LPGAT1: variants seen among roughly 807,000 people sequenced by gnomAD.
LPGAT1 encodes the protein lysophosphatidylglycerol acyltransferase 1, also known as acyl-CoA:lysophosphatidylglycerol acyltransferase 1.
Under a neutral mutation model 47.5 loss-of-function variants are expected in LPGAT1, and 11 were observed. The ratio of observed to expected loss-of-function variants is 0.23; its 90% CI spans 0.15 to 0.38. LPGAT1 has a LOEUF of 0.38. LPGAT1 is among the 10% of genes least tolerant of loss of function. LPGAT1 has a pLI of 1.00. For synonymous variants in LPGAT1, 138 were observed against 144.2 expected, an observed-to-expected ratio of 0.96 and a Z score of 0.31; for missense variants, 293 against 439.0, an observed-to-expected ratio of 0.67 and a Z score of 2.97.
chr1:211,830,698 C>T lies in LPGAT1; in HGVS notation c.-153G>A, dbSNP rs547199971. The T allele has an allele frequency of 9.2e-6, 11 of 1,189,854 alleles. No homozygotes were observed. Among genetic ancestry groups the T allele is most frequent in the Admixed American group, 4.5e-5 (1 of 22,098 alleles). The allele number at this position is 1,189,854 out of a possible 1,614,324, so 73.7% of individuals were successfully genotyped here. A position where few individuals can be genotyped will look rare whatever the true frequency, so the allele number is the denominator to read the frequency against. On this transcript the variant is annotated 5_prime_UTR_variant, in exon 1 of 8. Transcript: ENST00000366997. This position sits in a 1 kb window ranked among gnomAD's most constrained non-coding sequence, Gnocchi z 5.9. ...CTGCCCCGCTCCGGCTGTGGCGCGG[C>T]CCGCGCCCGTTCCCCGGCGGCGCCG...
At chr1:211,781,292 C>T (rs892894350) in intron 5 of LPGAT1, among the ~76,000 whole-genome samples, 7 of 152,170 alleles carry the variant, frequency 4.6e-5, no homozygotes, top group African/African-American at 1.4e-4. Flanking sequence ...CACTATTATG[C>T]AGTCAGTATA....
At chr1:211,751,874 AATTG>A (rs1440289364) in intron 6 of LPGAT1, among the ~76,000 whole-genome samples, 4 of 152,108 alleles carry the variant, frequency 2.6e-5, no homozygotes, top group Admixed American at 6.5e-5. Context: ...CCCTCCCCAG[AATTG>A]ATTATCACCT....
At chr1:211,808,011 T>C (rs1294423530) in intron 2 of LPGAT1, among the ~76,000 whole-genome samples, 1 of 152,042 alleles carries the variant, frequency 6.6e-6, no homozygotes, top group Non-Finnish European at 1.5e-5. Context: ...GTTAAGAGAA[T>C]AAAATGAGAG....
rs375546217 is a variant in LPGAT1, at chr1:211,758,965, T to A, written c.855-7898A>T. Among the ~76,000 whole-genome samples, 7 of 152,332 alleles carry A rather than the reference T, an allele frequency of 4.6e-5. No homozygotes were observed. The South Asian group carries it at 1.2e-3, about 27-fold the overall frequency. On this transcript the variant is annotated intron_variant, in intron 6 of 7. Coordinates refer to ENST00000366997, the MANE Select transcript of LPGAT1 (RefSeq NM_014873.3). ...TTTTTTATCGATTGAAATGGGTATGTAATTTTCCCCTATATTTTGTTAATA... is the reference window on the plus strand; with the variant it reads ...TTTTTTATCGATTGAAATGGGTATGAAATTTTCCCCTATATTTTGTTAATA...
At chr1:211,827,731 G>T (rs1312763541) in intron 2 of LPGAT1, among the ~76,000 whole-genome samples, 1 of 152,034 alleles carries the variant, frequency 6.6e-6, no homozygotes, top group Non-Finnish European at 1.5e-5. Flanking sequence ...CTCTACCACT[G>T]CTATTGCTAC....
intron 4 of LPGAT1, 117 bp from the exon 5 acceptor site, chr1:211,783,619 T>TC (rs1404807189): frequency 3.3e-6 from 3 of 907,850 alleles, no homozygotes; most frequent in Non-Finnish European, 4.7e-6. Flanking sequence ...GAATAGTGAT[T>TC]CCCCCACCCC....
At chr1:211,750,915 A>G in intron 7 of LPGAT1, 46 bp downstream of exon 7, 1 of 1,343,826 alleles carries the variant, frequency 7.4e-7, no homozygotes, top group South Asian at 1.2e-5. Context: ...AGAGGCTTTC[A>G]TTACTGTTGC....
At chr1:211,815,941 G>A (rs1660159582) in intron 2 of LPGAT1, among the ~76,000 whole-genome samples, 1 of 151,890 alleles carries the variant, frequency 6.6e-6, no homozygotes, top group African/African-American at 2.4e-5. Context: ...ACCACGCCCG[G>A]CTAATTTTTT....
chr1:211,760,182 G>A (rs1053041202), intron 6 of LPGAT1, among the ~76,000 whole-genome samples: 2 of 152,142 alleles, frequency 1.3e-5, no homozygotes, highest in African/African-American at 2.4e-5. Context: ...ATATCGGGCC[G>A]GGCGTGGTGG....
intron 3 of LPGAT1, among the ~76,000 whole-genome samples, chr1:211,791,682 G>T (rs936946162): frequency 6.6e-6 from 1 of 151,082 alleles, no homozygotes; most frequent in African/African-American, 2.4e-5. Context: ...AGGAGGCAGA[G>T]GTTGCAGCAA....
chr1:211,830,608 G>A lies in LPGAT1; in HGVS notation c.-63C>T. On this transcript the variant is annotated 5_prime_UTR_variant, in exon 1 of 8. Coordinates refer to ENST00000366997, the MANE Select transcript of LPGAT1 (RefSeq NM_014873.3). The surrounding 1 kb of genome is among the most constrained non-coding windows in gnomAD (Gnocchi z 5.9). ...CCGGGCCCCAGCCGGGGCTTTGGGA[G>A]TCAGAGGAGCCGGAAGAATGCATGG... 8.3e-7 allele frequency: 1 copy of A among 1,208,808 alleles called. No homozygotes were observed. The highest frequency in any genetic ancestry group is 1.6e-5 in the African/African-American group (1 of 63,444). The allele number at this position is 1,208,808 out of a possible 1,614,324, so 74.9% of individuals were successfully genotyped here. A position where few individuals can be genotyped will look rare whatever the true frequency, so the allele number is the denominator to read the frequency against.
chr1:211,813,436 C>T (rs149612164), intron 2 of LPGAT1, among the ~76,000 whole-genome samples: 20 of 152,224 alleles, frequency 1.3e-4, no homozygotes, highest in South Asian at 1.2e-3. Flanking sequence ...ATTATGACTA[C>T]GAAGCAGGGG....
intron 2 of LPGAT1, among the ~76,000 whole-genome samples, chr1:211,807,735 A>T: frequency 6.6e-6 from 1 of 152,210 alleles, no homozygotes; most frequent in Admixed American, 6.5e-5. Flanking sequence ...AGAATGATTA[A>T]TTCAAAATGG....
intron 6 of LPGAT1, among the ~76,000 whole-genome samples, chr1:211,775,912 CAAGAGCAA>C (rs1658377627): frequency 1.6e-5 from 2 of 121,796 alleles, no homozygotes; most frequent in African/African-American, 3.0e-5. Context: ...GCCTGGGCAA[CAAGAGCAA>C]AATGCCATCT....
intron 5 of LPGAT1, among the ~76,000 whole-genome samples, chr1:211,781,795 A>T (rs180996705): frequency 6.6e-6 from 1 of 152,198 alleles, no homozygotes; most frequent in Non-Finnish European, 1.5e-5. Context: ...CTTTCACAGT[A>T]GTATCTTAGA....
intron 6 of LPGAT1, among the ~76,000 whole-genome samples, chr1:211,757,891 C>A (rs1471092653): frequency 6.6e-6 from 1 of 152,130 alleles, no homozygotes; most frequent in African/African-American, 2.4e-5. Flanking sequence ...TACATTTTAA[C>A]CAAAAATTCC....
chr1:211,776,684 CA>C (rs535998628), intron 6 of LPGAT1, among the ~76,000 whole-genome samples: 113 of 148,060 alleles, frequency 7.6e-4, no homozygotes, highest in African/African-American at 2.6e-3. Flanking sequence ...TCATGTGAAA[CA>C]AAATTGGCTG....
At chr1:211,825,568 C>T (rs953614806) in intron 2 of LPGAT1, among the ~76,000 whole-genome samples, 2 of 152,096 alleles carry the variant, frequency 1.3e-5, no homozygotes, top group African/African-American at 4.8e-5. Context: ...ATTAGTTAAG[C>T]TAGTATCTCT....
At position 211,793,171 on chromosome 1, in the gene LPGAT1, A is replaced by G. The variant is rs189700390; in HGVS notation, c.258T>C (p.Asp86=). ...CTTCATCTTTTGAAACTGCTTTAAT[A>G]TCTTCTCCCCATTCCATCACTGTAA... ...AGYTVMEWGE[D]IKAVSKDEAV... is the part of the protein sequence containing the mutation. The change falls in exon 3 of 8, where the codon GAT becomes GAC. Residue 86 remains aspartate, a synonymous_variant. Transcript: ENST00000366997. The G allele has an allele frequency of 7.5e-6, 12 of 1,610,206 alleles. No homozygotes were observed. The African/African-American group carries it at 1.2e-4, about 16-fold the overall frequency.
Sources: gnomAD v4.1 joint callset for allele counts (sites outside exome capture counted in the v4.1 genomes callset) on GRCh38, gnomAD v4.1.1 for gene constraint, Gnocchi (gnomAD v3.1) non-coding constraint, MANE v1.5 for transcripts, NCBI Gene and HGNC (gene_info 2026-07-23, HGNC 2026-07-21) for gene names.